IQSEC2: variants seen among roughly 807,000 people sequenced by gnomAD.
IQSEC2 encodes the protein IQ motif and SEC7 domain-containing protein 2.
IQSEC2 carries 6 observed loss-of-function variants against 74.6 expected under a neutral mutation model. The observed-to-expected ratio is 0.08, with a 90% CI of 0.04 to 0.16. The LOEUF is 0.16. IQSEC2 is among the 10% of genes least tolerant of loss of function. IQSEC2 has a pLI of 1.00. For synonymous variants in IQSEC2, 494 were observed against 544.5 expected, an observed-to-expected ratio of 0.91 and a Z score of 1.29; for missense variants, 734 against 1,306.2, an observed-to-expected ratio of 0.56 and a Z score of 6.75.
At chrX:53,307,915 G>A (rs1170010891) in intron 1 of IQSEC2, among the ~76,000 whole-genome samples, 2 of 106,456 alleles carry the variant, frequency 1.9e-5, no homozygotes, top group African/African-American at 3.4e-5. Flanking sequence ...GGCCGGGCAC[G>A]GCGGCTCATG....
In IQSEC2 at chrX:53,243,406, G is replaced by T; in HGVS notation, c.2815C>A (p.Arg939Ser). 6.0e-6 allele frequency: 7 copies of T among 1,169,061 alleles called. No individual in the cohort carries two copies. The highest frequency in any genetic ancestry group is 6.9e-6 in the Non-Finnish European group (6 of 874,020). The change falls in exon 9 of 15, where the codon CGT becomes AGT. Residue 939 changes from arginine to serine, a missense_variant. Arg to Ser is a moderately radical substitution (Grantham distance 110, BLOSUM62 -1). Transcript: ENST00000642864. ...LVGIYQRIQGRELRTNDDHVS... is the reference protein window; with the variant it reads ...LVGIYQRIQGSELRTNDDHVS... ...TGGTCATCGTTGGTCCGCAGTTCAC[G>T]CCCCTGGATGCGCTGGTAGATGCCC...
chrX:53,264,428 T>G (rs868961032), intron 2 of IQSEC2, among the ~76,000 whole-genome samples: 1 of 24,806 alleles, frequency 4.0e-5, no homozygotes, highest in Non-Finnish European at 7.6e-5. Context: ...ACTTGCCCCC[T>G]CCCCCCATGT....
chrX:53,319,918 G>A lies in IQSEC2; in HGVS notation c.707+499C>T, dbSNP rs1339137539. Among the ~76,000 whole-genome samples, 4 of 107,511 alleles carry A rather than the reference G, an allele frequency of 3.7e-5. No homozygotes were observed. In the South Asian group the frequency reaches 1.7e-3, roughly 45 times the overall value. 93.4% of individuals were successfully genotyped at this position (107,511 alleles called of 115,157 possible). A position where few individuals can be genotyped will look rare whatever the true frequency, so the allele number is the denominator to read the frequency against. Reference sequence around the variant, plus strand: ...TGTCTCAGCCTCCAGCAGCCATTCTGGTCCCCACCTGCCTCTTTGGTAAGG... The same window carrying A: ...TGTCTCAGCCTCCAGCAGCCATTCTAGTCCCCACCTGCCTCTTTGGTAAGG... On this transcript the variant is annotated intron_variant, in intron 1 of 14. Transcript: ENST00000642864.
intron 2 of IQSEC2, among the ~76,000 whole-genome samples, chrX:53,288,195 C>T (rs17002133): frequency 0.034 from 3,836 of 111,237 alleles, 141 homozygotes; most frequent in African/African-American, 0.12. Flanking sequence ...GAGCCACAGA[C>T]GGTTCATGAG....
intron 1 of IQSEC2, among the ~76,000 whole-genome samples, chrX:53,300,843 C>T (rs1381244808): frequency 9.0e-6 from 1 of 111,234 alleles, no homozygotes; most frequent in East Asian, 2.8e-4. Flanking sequence ...TTAAGTCCAT[C>T]GTGGTATATC....
intron 8 of IQSEC2, among the ~76,000 whole-genome samples, chrX:53,246,000 TTA>T (rs1358273772): frequency 1.8e-5 from 2 of 110,081 alleles, no homozygotes; most frequent in African/African-American, 3.3e-5. Flanking sequence ...GTGGCTGGGA[TTA>T]CAGGTGTGCA....
At position 53,291,939 on chromosome X, in the gene IQSEC2, G is replaced by C; in HGVS notation, c.708-15C>G. On this transcript the variant is annotated splice_polypyrimidine_tract_variant and intron_variant, in intron 1 of 14. Coordinates refer to ENST00000642864, the MANE Select transcript of IQSEC2 (RefSeq NM_001111125.3). ...CACCATCAGATCTGAAAGGGAAACA[G>C]AGAAAAAAAACCAAAACGGTCAGTA... The C allele has an allele frequency of 8.6e-7, 1 of 1,164,883 alleles. No homozygotes were observed. The highest frequency in any genetic ancestry group is 1.1e-6 in the Non-Finnish European group (1 of 870,717).
intron 1 of IQSEC2, among the ~76,000 whole-genome samples, chrX:53,315,889 G>GA (rs1337453530): frequency 9.0e-6 from 1 of 111,391 alleles, no homozygotes; most frequent in Non-Finnish European, 1.9e-5. Context: ...CAGCAAGTCT[G>GA]GTCTGACGTC....
intron 2 of IQSEC2, among the ~76,000 whole-genome samples, chrX:53,286,575 A>G (rs1437943170): frequency 1.8e-5 from 2 of 111,590 alleles, no homozygotes; most frequent in Non-Finnish European, 3.8e-5. Flanking sequence ...AAGGTCACAT[A>G]GCTTCCAGGT....
At chrX:53,278,144 G>A (rs1026023617) in intron 2 of IQSEC2, among the ~76,000 whole-genome samples, 1 of 106,450 alleles carries the variant, frequency 9.4e-6, no homozygotes, top group African/African-American at 3.4e-5. Context: ...TCGAGTAGCT[G>A]GGACTACAGG....
At chrX:53,243,561 C>T in intron 8 of IQSEC2, 90 bp from the exon 9 acceptor site, 1 of 1,081,341 alleles carries the variant, frequency 9.2e-7, no homozygotes, top group Non-Finnish European at 1.2e-6. Context: ...CAGGCACGGG[C>T]CACGATAGTC....
intron 1 of IQSEC2, 82 bp from the exon 2 acceptor site, chrX:53,292,006 G>C: frequency 1.2e-6 from 1 of 836,465 alleles, no homozygotes; most frequent in Non-Finnish European, 1.7e-6. Flanking sequence ...GTGGCTTTGG[G>C]GGGCCTTGAG....
chrX:53,291,956 C>A, intron 1 of IQSEC2, 32 bp from the exon 2 acceptor site: 1 of 1,153,120 alleles, frequency 8.7e-7, no homozygotes, highest in Non-Finnish European at 1.2e-6. Context: ...AAAACCAAAA[C>A]GGTCAGTATA....
chrX:53,320,677 G>A lies in IQSEC2; in HGVS notation c.447C>T (p.Ala149=), dbSNP rs2075421909. The change falls in exon 1 of 15, where the codon GCC becomes GCT. Residue 149 remains alanine (A), a synonymous_variant. Coordinates refer to ENST00000642864, the MANE Select transcript of IQSEC2 (RefSeq NM_001111125.3). ...YPLQDTTGYT[A]RERDVAQCHL... ...GGCACTGGGCCACGTCACGCTCGCG[G>A]GCTGTGTAACCGGTAGTGTCCTGGA... is the stretch of plus-strand genomic sequence containing the variant. 8 of 1,165,920 alleles carry A rather than the reference G, an allele frequency of 6.9e-6. No individual in the cohort carries two copies. The highest frequency in any genetic ancestry group is 9.2e-6 in the Non-Finnish European group (8 of 871,952).
chrX:53,311,499 G>A (rs2075321980), intron 1 of IQSEC2, among the ~76,000 whole-genome samples: 1 of 111,471 alleles, frequency 9.0e-6, no homozygotes, highest in African/African-American at 3.3e-5. Context: ...CTAGACTGCT[G>A]TACCAGCCTC....
rs993342301 is a variant in IQSEC2, at chrX:53,301,677, T to G, written c.708-9753A>C. On this transcript the variant is annotated intron_variant, in intron 1 of 14. Transcript: ENST00000642864. Reference sequence around the variant, plus strand: ...TATCCACATATCTCAAGGCTCCATATGAACTATGGGAGGGAAGAGAAGTGT... The same window carrying G: ...TATCCACATATCTCAAGGCTCCATAGGAACTATGGGAGGGAAGAGAAGTGT... Among the ~76,000 whole-genome samples, 5 of 111,725 alleles carry G rather than the reference T, an allele frequency of 4.5e-5. No homozygotes were observed. In the Admixed American group the frequency reaches 4.8e-4, roughly 11 times the overall value.
intron 1 of IQSEC2, among the ~76,000 whole-genome samples, chrX:53,311,008 T>C (rs2075315381): frequency 9.7e-6 from 1 of 103,573 alleles, no homozygotes; most frequent in Non-Finnish European, 2.0e-5. Flanking sequence ...TAATCCCAGC[T>C]ACTCGGGAGG....
downstream of IQSEC2, among the ~76,000 whole-genome samples, chrX:53,232,465 G>A (rs782685985): frequency 1.4e-4 from 16 of 111,395 alleles, no homozygotes; most frequent in South Asian, 2.3e-3. Context: ...CCTATGAAAC[G>A]AAGACAAGGG....
intron 2 of IQSEC2, among the ~76,000 whole-genome samples, chrX:53,260,379 G>T (rs1404163924): frequency 8.9e-6 from 1 of 111,802 alleles, no homozygotes; most frequent in Non-Finnish European, 1.9e-5. Flanking sequence ...TAGGAGGTAA[G>T]ATCAGAGAGG....
Sources: gnomAD v4.1 joint callset for allele counts (sites outside exome capture counted in the v4.1 genomes callset) on GRCh38, gnomAD v4.1.1 for gene constraint, MANE v1.5 for transcripts, NCBI Gene and HGNC (gene_info 2026-07-23, HGNC 2026-07-21) for gene names.